The following ADAMTSL1 variants were observed in gnomAD, a reference collection of about 807,000 sequenced individuals.
The protein encoded by ADAMTSL1 is ADAMTS-like protein 1.
ADAMTSL1 carries 126 observed loss-of-function variants against 201.8 expected under a neutral mutation model. The ratio of observed to expected loss-of-function variants is 0.62; its 90% confidence interval spans 0.54 to 0.72. The LOEUF (loss-of-function observed/expected upper bound fraction) is 0.72. Ranked by LOEUF, ADAMTSL1 falls within the 30% of genes least tolerant of loss-of-function variation. The pLI is 0.00. For missense variants in ADAMTSL1, 2,679 were observed against 2,277.8 expected (o/e 1.18, Z -3.59); for synonymous variants, 1,121 against 903.4 (o/e 1.24, Z -4.32).
chr9:18,828,878 A>T (rs568422406), intron 22 of ADAMTSL1, among the ~76,000 whole-genome samples: 183 of 151,772 alleles, frequency 1.2e-3, no homozygotes, highest in African/African-American at 4.3e-3. Context: ...GTGCCTTACA[A>T]GGTGCCAGGC....
intron 20 of ADAMTSL1, among the ~76,000 whole-genome samples, chr9:18,808,819 T>A (rs1353145325): frequency 6.6e-6 from 1 of 152,244 alleles, no homozygotes; most frequent in Non-Finnish European, 1.5e-5. Flanking sequence ...GTCAAAGATC[T>A]GGGCTCCAGT....
chr9:18,795,083 C>T (rs2133839705), intron 19 of ADAMTSL1, among the ~76,000 whole-genome samples: 1 of 152,320 alleles, frequency 6.6e-6, no homozygotes, highest in Middle Eastern at 3.4e-3. Context: ...TCCCCCCTTC[C>T]CCCGGATATC....
chr9:18,258,471 C>T (rs1344910124), intron 2 of ADAMTSL1, among the ~76,000 whole-genome samples: 3 of 152,170 alleles, frequency 2.0e-5, no homozygotes, highest in African/African-American at 7.2e-5. Context: ...CCAGGGCCTC[C>T]TTGTAATTGC....
intron 1 of ADAMTSL1, among the ~76,000 whole-genome samples, chr9:18,489,397 A>C (rs1822157534): frequency 1.3e-5 from 2 of 152,160 alleles, no homozygotes; most frequent in African/African-American, 4.8e-5. Flanking sequence ...TCTGGTGCCT[A>C]ATGTGAAGAT....
At chr9:18,481,877 T>G (rs1215058157) in intron 1 of ADAMTSL1, among the ~76,000 whole-genome samples, 1 of 152,216 alleles carries the variant, frequency 6.6e-6, no homozygotes, top group African/African-American at 2.4e-5. Flanking sequence ...TACCATTATG[T>G]GTGACCAATG....
intron 6 of ADAMTSL1, among the ~76,000 whole-genome samples, chr9:18,638,511 A>G (rs1414863822): frequency 1.3e-5 from 2 of 151,996 alleles, no homozygotes; most frequent in African/African-American, 4.8e-5. Flanking sequence ...ACACAACATA[A>G]TTACCATCAT....
At chr9:18,639,114 A>G in intron 6 of ADAMTSL1, 140 bp from the exon 7 acceptor site, 1 of 740,198 alleles carries the variant, frequency 1.4e-6, no homozygotes, top group Admixed American at 2.8e-5. Flanking sequence ...GTTTGTTGAT[A>G]TCACAATTTC....
At chr9:18,803,717 A>G (rs1822937740) in intron 20 of ADAMTSL1, among the ~76,000 whole-genome samples, 1 of 152,200 alleles carries the variant, frequency 6.6e-6, no homozygotes, top group Admixed American at 6.5e-5. Flanking sequence ...AACTAATTCA[A>G]ATTTTTAAAA....
intron 23 of ADAMTSL1, among the ~76,000 whole-genome samples, chr9:18,844,164 T>C (rs542535181): frequency 2.6e-5 from 4 of 152,252 alleles, no homozygotes; most frequent in Admixed American, 6.5e-5. Context: ...ATCTTTGTGG[T>C]TTTATCTACT....
chr9:18,073,567 G>A (rs547885702), intron 1 of ADAMTSL1, among the ~76,000 whole-genome samples: 1 of 152,294 alleles, frequency 6.6e-6, no homozygotes, highest in Non-Finnish European at 1.5e-5. Flanking sequence ...AAGCAACACA[G>A]CTCTGGAGAA....
At chr9:18,103,730 T>G (rs1824633954) in intron 1 of ADAMTSL1, among the ~76,000 whole-genome samples, 2 of 152,214 alleles carry the variant, frequency 1.3e-5, no homozygotes, top group Admixed American at 6.5e-5. Flanking sequence ...GAAGTGAAAT[T>G]TAGATCTTTC....
At chr9:18,460,806 A>G (rs1005592969) in intron 2 of ADAMTSL1, among the ~76,000 whole-genome samples, 2 of 152,180 alleles carry the variant, frequency 1.3e-5, no homozygotes, top group African/African-American at 4.8e-5. Context: ...AACACATACA[A>G]TGAATGACAT....
intron 15 of ADAMTSL1, among the ~76,000 whole-genome samples, chr9:18,735,693 T>C (rs1048826554): frequency 6.6e-6 from 1 of 151,964 alleles, no homozygotes; most frequent in African/African-American, 2.4e-5. Context: ...ACACCGTAGA[T>C]CATTACTGAA....
intron 1 of ADAMTSL1, among the ~76,000 whole-genome samples, chr9:17,940,986 T>C (rs915175874): frequency 6.6e-6 from 1 of 152,040 alleles, no homozygotes; most frequent in African/African-American, 2.4e-5. Flanking sequence ...AATTTTTCCA[T>C]GAACATCTCT....
chr9:18,068,191 C>T (rs573967171), intron 1 of ADAMTSL1, among the ~76,000 whole-genome samples: 4 of 152,142 alleles, frequency 2.6e-5, no homozygotes, highest in Non-Finnish European at 5.9e-5. Flanking sequence ...ATTAAGATAG[C>T]AGCTCTTCCC....
chr9:18,160,621 G>A (rs1363185505), intron 1 of ADAMTSL1, among the ~76,000 whole-genome samples: 2 of 151,672 alleles, frequency 1.3e-5, no homozygotes, highest in African/African-American at 2.4e-5. Flanking sequence ...CCCAAATTGG[G>A]AATCCTGGTC....
chr9:18,389,996 A>C (rs1374885921), intron 2 of ADAMTSL1, among the ~76,000 whole-genome samples: 1 of 152,178 alleles, frequency 6.6e-6, no homozygotes, highest in African/African-American at 2.4e-5. Flanking sequence ...AATAGAATAC[A>C]ATATGTGCAA....
chr9:18,505,399 C>T (rs974480145), intron 2 of ADAMTSL1, among the ~76,000 whole-genome samples: 1 of 152,092 alleles, frequency 6.6e-6, no homozygotes, highest in Non-Finnish European at 1.5e-5. Flanking sequence ...TTGTAGATGT[C>T]CTAATAGCCA....
At chr9:18,108,433 C>G (rs147261125) in intron 1 of ADAMTSL1, among the ~76,000 whole-genome samples, 426 of 152,024 alleles carry the variant, frequency 2.8e-3, no homozygotes, top group African/African-American at 9.6e-3. Flanking sequence ...CTCCTGAGCT[C>G]AAGACATCCT....
Sources: gnomAD v4.1 joint callset for allele counts (sites outside exome capture counted in the v4.1 genomes callset) on GRCh38, gnomAD v4.1.1 for gene constraint, MANE v1.5 for transcripts, NCBI Gene and HGNC (gene_info 2026-07-23, HGNC 2026-07-21) for gene names.